Variants in LRP1B observed in about 807,000 individuals in gnomAD.
The protein encoded by LRP1B is LDL receptor related protein 1B.
In LRP1B, 217 loss-of-function variants were observed where a neutral mutation model predicts 556.6. The ratio of observed to expected loss-of-function variants is 0.39; its 90% CI spans 0.35 to 0.44. The LOEUF (loss-of-function observed/expected upper bound fraction) is 0.44, where lower values mean the gene tolerates loss of function less well. LRP1B is among the 20% of genes least tolerant of loss of function. The pLI, the probability that LRP1B is intolerant of heterozygous loss-of-function variation, is 1.00. For synonymous variants in LRP1B, 2,047 were observed against 1,865.8 expected (o/e 1.10, Z -2.50); for missense variants, 5,053 against 5,620.8 (o/e 0.90, Z 3.23).
intron 1 of LRP1B, among the ~76,000 whole-genome samples, chr2:142,086,927 T>C (rs10192277): frequency 0.023 from 3,514 of 152,156 alleles, 57 homozygotes; most frequent in African/African-American, 0.039. Flanking sequence ...TCTGCCTCTG[T>C]GAAGTATTTT....
intron 77 of LRP1B, 82 bp downstream of exon 77, chr2:140,350,715 G>GA (rs1171871178): frequency 2.6e-6 from 3 of 1,151,870 alleles, no homozygotes; most frequent in Non-Finnish European, 2.4e-6. Flanking sequence ...AGTATAATTA[G>GA]ATATTATATT....
intron 20 of LRP1B, among the ~76,000 whole-genome samples, chr2:140,929,048 AAT>A (rs981373775): frequency 5.9e-5 from 9 of 152,118 alleles, no homozygotes; most frequent in African/African-American, 2.2e-4. Context: ...GATATAATTT[AAT>A]TTACATTGCT....
chr2:141,391,093 TC>T (rs1186651729), intron 3 of LRP1B, among the ~76,000 whole-genome samples: 1 of 152,144 alleles, frequency 6.6e-6, no homozygotes, highest in Non-Finnish European at 1.5e-5. Context: ...AGGGAATAAA[TC>T]TTTAGGCTTT....
intron 41 of LRP1B, among the ~76,000 whole-genome samples, chr2:140,603,862 C>G (rs1052241622): frequency 2.0e-5 from 3 of 151,774 alleles, no homozygotes; most frequent in African/African-American, 7.3e-5. Context: ...TAACAAAAAG[C>G]CAATTAAAAT....
At chr2:140,668,451 A>G (rs1685363798) in intron 41 of LRP1B, among the ~76,000 whole-genome samples, 1 of 151,816 alleles carries the variant, frequency 6.6e-6, no homozygotes, top group Non-Finnish European at 1.5e-5. Context: ...AATACATGTA[A>G]CAATGGAGAT....
At chr2:140,701,589 G>T in intron 40 of LRP1B, 132 bp downstream of exon 40, 1 of 861,320 alleles carries the variant, frequency 1.2e-6, no homozygotes, top group Non-Finnish European at 1.7e-6. Context: ...ATACTTGCAG[G>T]AAATTAGATG....
chr2:141,239,738 T>C (rs1258199425), intron 5 of LRP1B, among the ~76,000 whole-genome samples: 1 of 152,038 alleles, frequency 6.6e-6, no homozygotes, highest in Non-Finnish European at 1.5e-5. Context: ...TTGCTTCTAT[T>C]TTCTCAAGGA....
At chr2:140,303,052 T>TA (rs1683906820) in intron 83 of LRP1B, among the ~76,000 whole-genome samples, 2 of 108,136 alleles carry the variant, frequency 1.8e-5, no homozygotes, top group Admixed American at 1.9e-4. Context: ...TATATATATA[T>TA]GGACATACAC....
intron 1 of LRP1B, among the ~76,000 whole-genome samples, chr2:141,853,672 TA>T (rs1697943395): frequency 6.6e-6 from 1 of 151,866 alleles, no homozygotes; most frequent in Non-Finnish European, 1.5e-5. Flanking sequence ...AATGTGGACT[TA>T]CATCATTGTC....
In LRP1B at chr2:141,341,531, A is replaced by G. The variant is rs565749568; in HGVS notation, c.344-86890T>C. ...CTCACAATGCTTTATTTTCAATTTA[A>G]TACACTTCTCTTCATGTTTCAGTGA... On this transcript the variant is annotated intron_variant, in intron 3 of 90. Transcript: ENST00000389484. 2.5e-3 allele frequency among the ~76,000 whole-genome samples: 376 copies of G among 152,236 alleles called. 2 individuals are homozygous for G. Among genetic ancestry groups the G allele is most frequent in the South Asian group, 4.3e-3 (21 of 4,832 alleles).
chr2:140,434,452 C>T (rs575386304), intron 66 of LRP1B, among the ~76,000 whole-genome samples: 16 of 152,266 alleles, frequency 1.1e-4, no homozygotes, highest in African/African-American at 3.4e-4. Context: ...AATAATTTCT[C>T]TCAAGATTTT....
chr2:142,130,805 A>C lies in LRP1B; in HGVS notation c.-76T>G. The C allele has an allele frequency of 8.3e-7, 1 of 1,205,644 alleles. No homozygotes were observed. The highest frequency in any genetic ancestry group is 1.2e-6 in the Non-Finnish European group (1 of 828,506). The allele number at this position is 1,205,644 out of a possible 1,614,324, so 74.7% of individuals were successfully genotyped here. The stretch of plus-strand genomic sequence containing the variant: ...TCGGCCCGGCGGCGGCGGCGGCGGC[A>C]GGGGCCGCTTGGAGCCTGGAATCGA... On this transcript the variant is annotated 5_prime_UTR_variant, in exon 1 of 91. Transcript: ENST00000389484.
At chr2:141,234,745 T>C (rs1558950654) in intron 5 of LRP1B, among the ~76,000 whole-genome samples, 1 of 152,076 alleles carries the variant, frequency 6.6e-6, no homozygotes, top group Admixed American at 6.6e-5. Context: ...TATGTAATAT[T>C]AACAGAAAAT....
Position 141,754,194 on chromosome 2 carries a change from G to A in LRP1B, c.205+56085C>T, listed in dbSNP as rs867186077. Among the ~76,000 whole-genome samples, 37 of 152,126 alleles carry A rather than the reference G, an allele frequency of 2.4e-4. No individual in the cohort carries two copies. The South Asian group carries it at 3.5e-3, about 14-fold the overall frequency. On this transcript the variant is annotated intron_variant, in intron 2 of 90. Coordinates refer to ENST00000389484, the MANE Select transcript of LRP1B (RefSeq NM_018557.3). ...CTTCCTGAGAATCTCATTTCTTGCAGACTGTCCTCAGGCTCTCTCATTTTT... is the reference window on the plus strand; with the variant it reads ...CTTCCTGAGAATCTCATTTCTTGCAAACTGTCCTCAGGCTCTCTCATTTTT...
chr2:140,282,712 G>T (rs1682966511), intron 84 of LRP1B, among the ~76,000 whole-genome samples: 1 of 151,748 alleles, frequency 6.6e-6, no homozygotes, highest in African/African-American at 2.4e-5. Flanking sequence ...ACACAAGCTG[G>T]CATTCTCACA....
intron 23 of LRP1B, among the ~76,000 whole-genome samples, chr2:140,888,699 C>T (rs543536650): frequency 3.9e-4 from 59 of 151,996 alleles, no homozygotes; most frequent in Non-Finnish European, 6.3e-4. Context: ...TGCGGTGGCT[C>T]GTGCCTGTAA....
At chr2:140,937,336 A>C (rs1198671550) in intron 20 of LRP1B, among the ~76,000 whole-genome samples, 1 of 152,118 alleles carries the variant, frequency 6.6e-6, no homozygotes, top group East Asian at 1.9e-4. Context: ...AGTAAAATAA[A>C]TCAGTTACAA....
chr2:141,196,272 G>A (rs1681746177), intron 6 of LRP1B, among the ~76,000 whole-genome samples: 1 of 151,926 alleles, frequency 6.6e-6, no homozygotes, highest in African/African-American at 2.4e-5. Context: ...AATTGTTTTG[G>A]CTACGTCAAG....
chr2:140,358,051 T>A lies in LRP1B; in HGVS notation c.11323A>T (p.Ile3775Phe), dbSNP rs772667603. 1.2e-6 allele frequency: 2 copies of A among 1,611,486 alleles called. No homozygotes were observed. Among genetic ancestry groups the A allele is most frequent in the Non-Finnish European group, 1.7e-6 (2 of 1,178,392 alleles). The stretch of plus-strand genomic sequence containing the variant: ...CGATCACACTGGAGATCCATAGGGA[T>A]GCATTTTTTATTACTACAAGCAAAC... Reference protein sequence around the residue: ...DEFACSNKKCIPMDLQCDRLD... With the variant: ...DEFACSNKKCFPMDLQCDRLD... The change falls in exon 74 of 91, where the codon ATC (isoleucine) becomes TTC (phenylalanine). Residue 3775 changes from isoleucine (I) to phenylalanine (F), a missense_variant. Ile to Phe is a conservative substitution (Grantham distance 21). Around this residue, in one of 5 missense-constraint regions of LRP1B, gnomAD observed 599 missense variants for 648.4 expected, o/e 0.92. Transcript: ENST00000389484.
Sources: gnomAD v4.1 joint callset for allele counts (sites outside exome capture counted in the v4.1 genomes callset) on GRCh38, gnomAD v4.1.1 for gene constraint, gnomAD v4.1.1 regional missense constraint, MANE v1.5 for transcripts, NCBI Gene and HGNC (gene_info 2026-07-23, HGNC 2026-07-21) for gene names.